Variants in POLD3 observed in about 807,000 individuals in gnomAD.
POLD3 encodes DNA polymerase delta 3, accessory subunit, also known as DNA polymerase delta subunit 3.
In POLD3, 19 loss-of-function variants were observed where a neutral mutation model predicts 58.2. The observed-to-expected ratio is 0.33, with a 90% CI of 0.23 to 0.48. The LOEUF is 0.48. POLD3 is among the 20% of genes least tolerant of loss of function. The pLI, the probability that POLD3 is intolerant of heterozygous loss-of-function variation, is 0.99. For missense variants in POLD3, 504 were observed against 545.5 expected (o/e 0.92, Z 0.76); for synonymous variants, 172 against 193.5 (o/e 0.89, Z 0.92).
chr11:74,649,874 AT>A (rs2033046654), intron 4 of POLD3, among the ~76,000 whole-genome samples: 1 of 152,078 alleles, frequency 6.6e-6, no homozygotes, highest in Admixed American at 6.5e-5. Context: ...AGATACTTAC[AT>A]TTTGGAAAGT....
In POLD3 at chr11:74,620,036, A is replaced by G. The variant is rs1802307320; in HGVS notation, c.680A>G (p.Lys227Arg). The change falls in exon 7 of 12, where the codon AAG (lysine) becomes AGG (arginine). Residue 227 changes from lysine (K) to arginine (R), a missense_variant. Around this residue, in one of 2 missense-constraint regions of POLD3, gnomAD observed 385 missense variants for 370.5 expected, o/e 1.04. Coordinates refer to ENST00000263681, the MANE Select transcript of POLD3 (RefSeq NM_006591.3). The part of the protein sequence containing the change: ...EVTNASAAGN[K>R]APGKGNMMSN... ...TTGTAGGCATCTGCAGCAGGCAACA[A>G]GGCACCAGGGAAAGGGAATATGATG... 1.2e-6 allele frequency: 2 copies of G among 1,613,904 alleles called. No individual in the cohort carries two copies. The highest frequency in any genetic ancestry group is 1.1e-5 in the South Asian group (1 of 91,080).
At chr11:74,621,938 T>A (rs1465648464) in intron 7 of POLD3, among the ~76,000 whole-genome samples, 1 of 152,036 alleles carries the variant, frequency 6.6e-6, no homozygotes, top group Non-Finnish European at 1.5e-5. Flanking sequence ...GTTACATATG[T>A]ATACATGTGC....
chr11:74,617,669 G>A (rs2032121009), intron 5 of POLD3, among the ~76,000 whole-genome samples: 1 of 152,132 alleles, frequency 6.6e-6, no homozygotes, highest in Non-Finnish European at 1.5e-5. Context: ...CAAAGTGCTG[G>A]GATTACAGGC....
At chr11:74,600,710 C>CTT (rs57206403) in intron 2 of POLD3, among the ~76,000 whole-genome samples, 25 of 63,044 alleles carry the variant, frequency 4.0e-4, no homozygotes, top group Non-Finnish European at 5.3e-4. Flanking sequence ...GAATTCTTTC[C>CTT]TTTTTTTTTT....
chr11:74,617,358 T>G (rs1257723508), intron 5 of POLD3, among the ~76,000 whole-genome samples: 1 of 152,206 alleles, frequency 6.6e-6, no homozygotes, highest in East Asian at 1.9e-4. Context: ...TAAAGGACTA[T>G]AGGTTATAGG....
At chr11:74,657,441 T>G (rs1383720248) in intron 4 of POLD3, among the ~76,000 whole-genome samples, 1 of 152,192 alleles carries the variant, frequency 6.6e-6, no homozygotes, top group Admixed American at 6.5e-5. Flanking sequence ...TGTTTTTTGA[T>G]TTGAGGTTAT....
Position 74,642,300 on chromosome 11 carries a change from A to C in POLD3, c.*1534A>C. 1.0e-6 allele frequency: 1 copy of C among 985,350 alleles called. No individual in the cohort carries two copies. The allele number at this position is 985,350 out of a possible 1,614,324, so 61.0% of individuals were successfully genotyped here. ...TATAGCAAGCTGAGTAAAGGTTGACATATTCCAAAACCCTTCTTTTTAAAA... is the reference window on the plus strand; with the variant it reads ...TATAGCAAGCTGAGTAAAGGTTGACCTATTCCAAAACCCTTCTTTTTAAAA... On this transcript the variant is annotated 3_prime_UTR_variant, in exon 12 of 12. Transcript: ENST00000263681.
At chr11:74,603,412 G>A (rs918192974) in intron 2 of POLD3, among the ~76,000 whole-genome samples, 4 of 152,154 alleles carry the variant, frequency 2.6e-5, no homozygotes, top group Non-Finnish European at 4.4e-5. Context: ...TCTGGCTTGC[G>A]TGGTTTCAGC....
intron 4 of POLD3, among the ~76,000 whole-genome samples, chr11:74,658,948 C>G (rs2033170524): frequency 6.6e-6 from 1 of 152,212 alleles, no homozygotes; most frequent in South Asian, 2.1e-4. Context: ...TCTCACAGCT[C>G]CACTAGGCAG....
chr11:74,618,931 T>C (rs558595684), intron 6 of POLD3, 127 bp downstream of exon 6: 3 of 786,558 alleles, frequency 3.8e-6, no homozygotes, highest in African/African-American at 1.8e-5. Flanking sequence ...TTTTCTACTT[T>C]AGTTTGAACC....
At chr11:74,626,416 T>G (rs2032436119) in intron 8 of POLD3, among the ~76,000 whole-genome samples, 1 of 152,226 alleles carries the variant, frequency 6.6e-6, no homozygotes, top group Non-Finnish European at 1.5e-5. Context: ...AAGTTGTTTT[T>G]TGTTCCAAGT....
chr11:74,602,478 A>G (rs530186785), intron 2 of POLD3, among the ~76,000 whole-genome samples: 2 of 152,190 alleles, frequency 1.3e-5, no homozygotes, highest in East Asian at 1.9e-4. Flanking sequence ...TTACACTTCA[A>G]CACAGTATAT....
intron 4 of POLD3, among the ~76,000 whole-genome samples, chr11:74,659,202 C>T (rs1041495796): frequency 2.6e-5 from 4 of 152,186 alleles, no homozygotes; most frequent in African/African-American, 9.7e-5. Flanking sequence ...CCTCTGAAGC[C>T]ACAGCCTGAG....
intron 5 of POLD3, among the ~76,000 whole-genome samples, chr11:74,613,912 G>T (rs1802108307): frequency 6.6e-6 from 1 of 152,152 alleles, no homozygotes; most frequent in South Asian, 2.1e-4. Context: ...AGAGTGAGGG[G>T]ACAAGACTGT....
intron 4 of POLD3, among the ~76,000 whole-genome samples, chr11:74,662,530 G>A (rs573361367): frequency 4.6e-5 from 7 of 152,132 alleles, no homozygotes; most frequent in Non-Finnish European, 8.8e-5. Context: ...GCCCTATCCT[G>A]TCGTGCCTGA....
chr11:74,605,472 G>A (rs757020572), intron 3 of POLD3, among the ~76,000 whole-genome samples: 4 of 152,158 alleles, frequency 2.6e-5, no homozygotes, highest in Non-Finnish European at 4.4e-5. Flanking sequence ...CAGAAGCTCT[G>A]CTAAGATATC....
intron 3 of POLD3, among the ~76,000 whole-genome samples, chr11:74,605,084 A>G (rs2031630981): frequency 6.6e-6 from 1 of 152,214 alleles, no homozygotes; most frequent in South Asian, 2.1e-4. Flanking sequence ...TATATGGAGA[A>G]CAATGGTGTT....
At chr11:74,623,120 G>A (rs1196112239) in intron 7 of POLD3, among the ~76,000 whole-genome samples, 1 of 152,222 alleles carries the variant, frequency 6.6e-6, no homozygotes, top group East Asian at 1.9e-4. Context: ...GAAACGTCCA[G>A]AATAGGCAGG....
In POLD3 at chr11:74,613,001, A is replaced by G; in HGVS notation, c.383A>G (p.Asn128Ser). Residue 128 changes from asparagine to serine, a missense_variant, in exon 5 of 12, where the codon AAC (asparagine) becomes AGC (serine). Transcript: ENST00000263681. The stretch of plus-strand genomic sequence containing the variant: ...GACATCCTTAAAAGCAACTTGCAGA[A>G]CTGCAGCAAGTAAGCGTCTTAATGT... ...DYDILKSNLQ[N>S]CSKFSAIQCA... The G allele has an allele frequency of 6.2e-7, 1 of 1,609,402 alleles. No individual in the cohort carries two copies. Among genetic ancestry groups the G allele is most frequent in the Non-Finnish European group, 8.5e-7 (1 of 1,178,728 alleles).
Sources: allele counts gnomAD v4.1 joint callset (sites outside exome capture counted in the v4.1 genomes callset), GRCh38; gene constraint gnomAD v4.1.1; regional missense constraint gnomAD v4.1.1; transcripts MANE v1.5; gene names NCBI Gene and HGNC (gene_info 2026-07-23, HGNC 2026-07-21).